Variants in IMMP2L observed in about 807,000 individuals in gnomAD.
The protein encoded by IMMP2L is inner mitochondrial membrane peptidase subunit 2.
A neutral mutation model predicts 19.3 loss-of-function variants in IMMP2L; 18 were observed. That is an observed-to-expected ratio of 0.93 (90% CI 0.64 to 1.38). The LOEUF (loss-of-function observed/expected upper bound fraction) is 1.38. Among genes scored for constraint, IMMP2L ranks in the 40% most tolerant of loss-of-function variants. The probability of loss-of-function intolerance (pLI) is 0.00; values close to 1 mark genes in which losing one functional copy is unlikely to be tolerated. For synonymous variants in IMMP2L, 76 were observed against 73.0 expected (o/e 1.04, Z -0.21); for missense variants, 233 against 218.2 (o/e 1.07, Z -0.43).
rs76759376 is a variant in IMMP2L at position 111,453,275 on chromosome 7, G to A, written c.239+33963C>T. Among the ~76,000 whole-genome samples the A allele has an allele frequency of 2.1e-3, 316 of 152,224 alleles. 3 individuals carry two copies. The highest frequency in any genetic ancestry group is 7.2e-3 in the African/African-American group (299 of 41,544). On this transcript the variant is annotated intron_variant, in intron 3 of 5. Transcript: ENST00000405709. Reference sequence around the variant, plus strand: ...CTCTTATTTAGGCAGTGTCTTCGCAGTTTCCTGCCTTGAATACCTCTTGTA... The same window carrying A: ...CTCTTATTTAGGCAGTGTCTTCGCAATTTCCTGCCTTGAATACCTCTTGTA...
At chr7:111,091,757 G>A (rs1277332396) in intron 3 of IMMP2L, among the ~76,000 whole-genome samples, 2 of 151,866 alleles carry the variant, frequency 1.3e-5, no homozygotes, top group South Asian at 2.1e-4. Context: ...ATGTGAGTGG[G>A]AGAGAAAAAG....
rs550634352 is a variant in IMMP2L at position 111,468,097 on chromosome 7, A to G, written c.239+19141T>C. Among the ~76,000 whole-genome samples, 4 of 152,280 alleles carry G rather than the reference A, an allele frequency of 2.6e-5. No homozygotes were observed. The South Asian group carries it at 8.3e-4, about 32-fold the overall frequency. ...AGTCATTCTTTCTCATCCCAACTAG[A>G]TATACTAATGGCCATAATTACTTTT... On this transcript the variant is annotated intron_variant, in intron 3 of 5. Coordinates refer to ENST00000405709, the MANE Select transcript of IMMP2L (RefSeq NM_032549.4).
intron 5 of IMMP2L, among the ~76,000 whole-genome samples, chr7:110,748,969 A>T (rs1797549087): frequency 6.6e-6 from 1 of 152,236 alleles, no homozygotes; most frequent in Admixed American, 6.5e-5. Context: ...GCCAACCTAC[A>T]GAATGGGAGA....
chr7:111,436,568 C>T (rs948396711), intron 3 of IMMP2L, among the ~76,000 whole-genome samples: 2 of 151,458 alleles, frequency 1.3e-5, no homozygotes, highest in Non-Finnish European at 2.9e-5. Flanking sequence ...ACTTTTTAAA[C>T]ATTTTTTCTC....
At chr7:110,842,402 C>T (rs1203070679) in intron 5 of IMMP2L, among the ~76,000 whole-genome samples, 1 of 152,120 alleles carries the variant, frequency 6.6e-6, no homozygotes, top group Non-Finnish European at 1.5e-5. Context: ...AGTTCGGGTC[C>T]ACAGGCCACA....
chr7:110,706,408 T>TCCAGCCACTATGTCCAGCCACTATG (rs1227690150), intron 5 of IMMP2L, among the ~76,000 whole-genome samples: 2 of 152,202 alleles, frequency 1.3e-5, no homozygotes, highest in Admixed American at 6.5e-5. Context: ...CCAGCAGTAG[T>TCCAGCCACTATGTCCAGCCACTATG]TCTAAGTTCT....
intron 3 of IMMP2L, among the ~76,000 whole-genome samples, chr7:111,059,370 T>C (rs1793804646): frequency 6.6e-6 from 1 of 152,222 alleles, no homozygotes; most frequent in Admixed American, 6.5e-5. Flanking sequence ...AAGTGTATTG[T>C]TTAAAAGATT....
chr7:111,201,695 A>C (rs1810146971), intron 3 of IMMP2L, among the ~76,000 whole-genome samples: 2 of 151,592 alleles, frequency 1.3e-5, no homozygotes, highest in African/African-American at 4.8e-5. Flanking sequence ...CAGCCTTGGC[A>C]ACAGAGCAAG....
intron 5 of IMMP2L, among the ~76,000 whole-genome samples, chr7:110,735,377 C>G (rs907734026): frequency 9.9e-5 from 15 of 152,038 alleles, no homozygotes; most frequent in African/African-American, 3.6e-4. Context: ...AATTAAACTT[C>G]CACTCTTAAC....
chr7:111,075,665 T>G (rs1205959459), intron 3 of IMMP2L, among the ~76,000 whole-genome samples: 1 of 152,130 alleles, frequency 6.6e-6, no homozygotes, highest in Non-Finnish European at 1.5e-5. Context: ...CTTCCATCTT[T>G]ATTTCACATT....
chr7:111,448,048 A>G (rs984561757), intron 3 of IMMP2L, among the ~76,000 whole-genome samples: 12 of 145,114 alleles, frequency 8.3e-5, no homozygotes, highest in African/African-American at 1.9e-4. Flanking sequence ...GAGCACCCAG[A>G]TTCATAAAGC....
At chr7:111,222,306 CCT>C in intron 3 of IMMP2L, among the ~76,000 whole-genome samples, 1 of 151,586 alleles carries the variant, frequency 6.6e-6, no homozygotes, top group East Asian at 1.9e-4. Context: ...AAGAAAAATA[CCT>C]ATGCCTAACA....
chr7:110,772,272 T>C (rs1799089837), intron 5 of IMMP2L, among the ~76,000 whole-genome samples: 1 of 152,160 alleles, frequency 6.6e-6, no homozygotes, highest in South Asian at 2.1e-4. Context: ...ACTGTCTATA[T>C]GGCATGAGGT....
chr7:110,836,971 A>C (rs1804546364), intron 5 of IMMP2L, among the ~76,000 whole-genome samples: 1 of 152,268 alleles, frequency 6.6e-6, no homozygotes, highest in East Asian at 1.9e-4. Context: ...ATTACTATTT[A>C]AAGGTGAAGA....
At chr7:110,897,350 G>T (rs1044728151) in intron 4 of IMMP2L, among the ~76,000 whole-genome samples, 2 of 152,104 alleles carry the variant, frequency 1.3e-5, no homozygotes, top group African/African-American at 4.8e-5. Context: ...ATACAAATAG[G>T]CAAGTGACAG....
At chr7:111,207,536 T>G (rs1474931143) in intron 3 of IMMP2L, among the ~76,000 whole-genome samples, 1 of 49,318 alleles carries the variant, frequency 2.0e-5, no homozygotes, top group Non-Finnish European at 3.7e-5. Context: ...TATTTTTGGT[T>G]TTTTTTTTTT....
intron 3 of IMMP2L, among the ~76,000 whole-genome samples, chr7:111,443,163 A>G (rs1414769914): frequency 6.6e-6 from 1 of 151,862 alleles, no homozygotes; most frequent in Non-Finnish European, 1.5e-5. Context: ...ATCTCATTCA[A>G]TCCCCTTCAT....
chr7:111,123,804 T>C lies in IMMP2L; in HGVS notation c.240-160239A>G. The C allele has an allele frequency of 6.2e-7, 1 of 1,613,998 alleles. No individual in the cohort carries two copies. Among genetic ancestry groups the C allele is most frequent in the Non-Finnish European group, 8.5e-7 (1 of 1,179,968 alleles). Reference sequence around the variant, plus strand: ...TGGAATCACTCATGCTGAACAGCAATGCTCTCAGTGCCCTGTACCATGGTA... The same window carrying C: ...TGGAATCACTCATGCTGAACAGCAACGCTCTCAGTGCCCTGTACCATGGTA... On this transcript the variant is annotated intron_variant, in intron 3 of 5. Transcript: ENST00000405709. The surrounding 1 kb of genome is among the most constrained non-coding windows in gnomAD (Gnocchi z 6.4).
intron 3 of IMMP2L, among the ~76,000 whole-genome samples, chr7:111,265,259 A>G (rs1177892257): frequency 6.6e-6 from 1 of 152,290 alleles, no homozygotes; most frequent in Admixed American, 6.5e-5. Context: ...ATATTACTAA[A>G]AGCCTTTTTC....
Sources: allele counts gnomAD v4.1 joint callset (sites outside exome capture counted in the v4.1 genomes callset), GRCh38; gene constraint gnomAD v4.1.1; non-coding constraint Gnocchi (gnomAD v3.1); transcripts MANE v1.5; gene names NCBI Gene and HGNC (gene_info 2026-07-23, HGNC 2026-07-21).